The following ENG variants were observed in gnomAD, a reference collection of about 807,000 sequenced individuals.
ENG encodes the protein CD105 antigen.
In ENG, 17 loss-of-function variants were observed where a neutral mutation model predicts 71.0. The ratio of observed to expected loss-of-function variants is 0.24; its 90% CI spans 0.16 to 0.36. The LOEUF (loss-of-function observed/expected upper bound fraction) is 0.36. Ranked by LOEUF, ENG falls within the 10% of genes least tolerant of loss-of-function variation. The pLI is 1.00. For synonymous variants in ENG, 360 were observed against 366.9 expected (o/e 0.98, Z 0.21); for missense variants, 749 against 868.3 (o/e 0.86, Z 1.73).
Position 127,818,251 on chromosome 9 carries a change from GGC to G in ENG, c.1553_1554del (p.Ser518ThrfsTer9), listed in dbSNP as rs2131875838. ...TCACCCTCGGGGCTTGGGGACAGCA[GGC>G]TCACACAGTTGCCCTTGGCCGCCCG... ...QGRAAKGNCV[S>X]LLSPSPEGDP... On this transcript the variant is annotated frameshift_variant, in exon 12 of 15. Transcript: ENST00000373203. LOFTEE classifies it high-confidence loss of function. The G allele has an allele frequency of 6.2e-7, 1 of 1,614,212 alleles. No individual in the cohort carries two copies. Among genetic ancestry groups the G allele is most frequent in the Non-Finnish European group, 8.5e-7 (1 of 1,180,040 alleles).
intron 1 of ENG, among the ~76,000 whole-genome samples, chr9:127,853,837 CA>C (rs1018919691): frequency 6.6e-6 from 1 of 152,250 alleles, no homozygotes; most frequent in African/African-American, 2.4e-5. Context: ...GGCCCGAAGG[CA>C]GTCCCCCAGG....
rs1830590850 is a variant in ENG, at chr9:127,825,580, G to A, written c.689+115C>T. 5 of 1,268,180 alleles carry A rather than the reference G, an allele frequency of 3.9e-6. No homozygotes were observed. The East Asian group carries it at 1.0e-4, about 26-fold the overall frequency. 78.6% of individuals were successfully genotyped at this position (1,268,180 alleles called of 1,614,324 possible). ...TGTGCTCTCACAGGGCTGCGGCGGG[G>A]CTGGGGCTGGGACTGGGGTGGGGCT... On this transcript the variant is annotated intron_variant, in intron 5 of 14. Coordinates refer to ENST00000373203, the MANE Select transcript of ENG (RefSeq NM_001114753.3).
rs540556638 is a variant in ENG at position 127,818,609 on chromosome 9, CT to C, written c.1428+106del. ...TCTCCCGTGCACCCAGGCTGTCTCCCTCCTGACTCTGGGAGTCTCATCTCCT... is the reference window on the plus strand; with the variant it reads ...TCTCCCGTGCACCCAGGCTGTCTCCCCCTGACTCTGGGAGTCTCATCTCCT... On this transcript the variant is annotated intron_variant, in intron 11 of 14. Coordinates refer to ENST00000373203, the MANE Select transcript of ENG (RefSeq NM_001114753.3). 1.1e-4 allele frequency: 152 copies of C among 1,429,144 alleles called. No individual in the cohort carries two copies. In the African/African-American group the frequency reaches 1.8e-3, roughly 16 times the overall value. The allele number at this position is 1,429,144 out of a possible 1,614,324, so 88.5% of individuals were successfully genotyped here.
At chr9:127,851,782 G>T (rs1325378943) in intron 1 of ENG, among the ~76,000 whole-genome samples, 1 of 152,070 alleles carries the variant, frequency 6.6e-6, no homozygotes, top group Admixed American at 6.5e-5. Flanking sequence ...AGAGGATGAG[G>T]CAGGAGAACT....
At chr9:127,842,948 T>G in intron 2 of ENG, 146 bp downstream of exon 2, 4 of 1,327,886 alleles carry the variant, frequency 3.0e-6, no homozygotes, top group Non-Finnish European at 4.3e-6. Flanking sequence ...ATGGGCCCTG[T>G]GAGATGCCCA....
Position 127,836,314 on chromosome 9 carries a change from G to A in ENG, c.220-6487C>T, listed in dbSNP as rs1830902227. ...CCCAGCCCCCTCCCTGAGTGGGTGGGCGGGAGACCGCGTTTCTATTTTTGT... is the reference window on the plus strand; with the variant it reads ...CCCAGCCCCCTCCCTGAGTGGGTGGACGGGAGACCGCGTTTCTATTTTTGT... On this transcript the variant is annotated intron_variant, in intron 2 of 14. Transcript: ENST00000373203. This position sits in a 1 kb window ranked among gnomAD's most constrained non-coding sequence, Gnocchi z 4.0. 6.6e-6 allele frequency among the ~76,000 whole-genome samples: 1 copy of A among 152,268 alleles called. No individual in the cohort carries two copies. Among genetic ancestry groups the A allele is most frequent in the Admixed American group, 6.5e-5 (1 of 15,292 alleles).
chr9:127,817,931 A>C, intron 12 of ENG, 189 bp downstream of exon 12: 1 of 773,480 alleles, frequency 1.3e-6, no homozygotes, highest in East Asian at 2.7e-5. Flanking sequence ...CAGACACAGC[A>C]GTCCCACCAG....
chr9:127,843,755 A>ATTTTTTTT (rs71380099), intron 1 of ENG, among the ~76,000 whole-genome samples: 1 of 25,040 alleles, frequency 4.0e-5, no homozygotes, highest in East Asian at 1.2e-3. Flanking sequence ...ATATATATAT[A>ATTTTTTTT]TTTTTTTTTT....
At chr9:127,839,427 T>C (rs980918510) in intron 2 of ENG, among the ~76,000 whole-genome samples, 1 of 152,120 alleles carries the variant, frequency 6.6e-6, no homozygotes. Context: ...GCTGGCAGCA[T>C]CATGGGCTCA....
rs1228468026 is a variant in ENG at position 127,825,695 on chromosome 9, C to T, written c.689G>A (p.Gly230Glu). 1.3e-6 allele frequency: 2 copies of T among 1,579,758 alleles called. No individual in the cohort carries two copies. Among genetic ancestry groups the T allele is most frequent in the Admixed American group, 1.7e-5 (1 of 58,368 alleles). ...GTCAGGGGCGGGGCGAGAGCCATAC[C>T]CGGCCGAGTGGCCCGGCAGGACCCT... The part of the protein sequence containing the change: ...ILRVLPGHSA[G>E]PRTVTVKVEL... Residue 230 changes from glycine to glutamate, a missense_variant and splice_region_variant, in exon 5 of 15, where the codon GGG (glycine) becomes GAG (glutamate). Transcript: ENST00000373203.
At chr9:127,816,864 A>G (rs1830332239) in intron 13 of ENG, 13 of 530,782 alleles carry the variant, frequency 2.4e-5, no homozygotes, top group Non-Finnish European at 2.0e-5. Flanking sequence ...AGGTCAGCCA[A>G]TAACTGTGGG....
rs141608682 is a variant in ENG, at chr9:127,850,510, G to C, written c.67+3779C>G. Among the ~76,000 whole-genome samples the C allele has an allele frequency of 8.2e-3, 1,248 of 152,322 alleles. 11 individuals are homozygous for C. The highest frequency in any genetic ancestry group is 0.023 in the South Asian group (113 of 4,826). ...GAGAATGCTAATGGTCACGTCCCCC[G>C]TGTCTCGGGGAGCCCACCCTCTCCT... On this transcript the variant is annotated intron_variant, in intron 1 of 14. Transcript: ENST00000373203.
chr9:127,850,218 G>A (rs1417782595), intron 1 of ENG, among the ~76,000 whole-genome samples: 5 of 152,324 alleles, frequency 3.3e-5, no homozygotes, highest in South Asian at 2.1e-4. Flanking sequence ...GGAAGCAGAC[G>A]GCCTGGAGTT....
At position 127,825,243 on chromosome 9, in the gene ENG, G is replaced by A; in HGVS notation, c.804C>T (p.Asn268=). 1.9e-6 allele frequency: 3 copies of A among 1,613,066 alleles called. No individual in the cohort carries two copies. The highest frequency in any genetic ancestry group is 1.3e-5 in the African/African-American group (1 of 74,692). ...GCGCACAACTCACCCAGATCTGCAT[G>A]TTGTGGTTGGCGTCGATGAGCCAGG... ...YVSWLIDANH[N]MQIWTTGEYS... The change falls in exon 6 of 15, where the codon AAC becomes AAT. Residue 268 remains asparagine, a synonymous_variant. Transcript: ENST00000373203.
intron 3 of ENG, 66 bp from the exon 4 acceptor site, chr9:127,826,738 A>AG (rs1830627871): frequency 6.3e-7 from 1 of 1,590,292 alleles, no homozygotes; most frequent in Admixed American, 1.7e-5. Context: ...CCCATGTAGG[A>AG]GGTCAGGAAG....
intron 2 of ENG, among the ~76,000 whole-genome samples, chr9:127,830,773 C>T (rs1012086544): frequency 6.6e-6 from 1 of 152,150 alleles, no homozygotes; most frequent in African/African-American, 2.4e-5. Context: ...CAGCGATCCC[C>T]TGCCCCATCG....
Position 127,838,631 on chromosome 9 carries a change from T to C in ENG, c.219+4463A>G, listed in dbSNP as rs1383082404. On this transcript the variant is annotated intron_variant, in intron 2 of 14. Transcript: ENST00000373203. The surrounding 1 kb of genome is among the most constrained non-coding windows in gnomAD (Gnocchi z 4.3). Reference sequence around the variant, plus strand: ...GGGTGAATCAGTGCTGACCCAGCTCTGCCCTGGCCTGGCAGCCTGTGCATT... The same window carrying C: ...GGGTGAATCAGTGCTGACCCAGCTCCGCCCTGGCCTGGCAGCCTGTGCATT... Among the ~76,000 whole-genome samples, 1 of 152,218 alleles carries C rather than the reference T, an allele frequency of 6.6e-6. No individual in the cohort carries two copies.
chr9:127,853,752 T>G (rs1829086563), intron 1 of ENG, among the ~76,000 whole-genome samples: 1 of 152,190 alleles, frequency 6.6e-6, no homozygotes, highest in Admixed American at 6.5e-5. Flanking sequence ...GAGCCCTCTC[T>G]GCAATGATCC....
At chr9:127,818,916 G>A in intron 10 of ENG, 84 bp from the exon 11 acceptor site, 2 of 1,194,600 alleles carry the variant, frequency 1.7e-6, no homozygotes, top group East Asian at 4.7e-5. Flanking sequence ...CAGGCATCAT[G>A]GCCCTGTGGA....
Sources: gnomAD v4.1 joint callset for allele counts (sites outside exome capture counted in the v4.1 genomes callset) on GRCh38, gnomAD v4.1.1 for gene constraint, Gnocchi (gnomAD v3.1) non-coding constraint, MANE v1.5 for transcripts, NCBI Gene and HGNC (gene_info 2026-07-23, HGNC 2026-07-21) for gene names.